Variants in ZDHHC15 observed in about 807,000 individuals in gnomAD.
The protein encoded by ZDHHC15 is zDHHC palmitoyltransferase 15.
A neutral mutation model predicts 31.7 loss-of-function variants in ZDHHC15; 19 were observed. The ratio of observed to expected loss-of-function variants is 0.60; its 90% CI spans 0.42 to 0.88. ZDHHC15 has a LOEUF of 0.88. ZDHHC15 is among the 40% of genes least tolerant of loss of function. ZDHHC15 has a pLI of 0.00. For missense variants in ZDHHC15, 209 were observed against 251.2 expected, an observed-to-expected ratio of 0.83 and a Z score of 1.14; for synonymous variants, 103 against 90.0, an observed-to-expected ratio of 1.14 and a Z score of -0.82.
chrX:75,446,658 A>G (rs1569333732), intron 4 of ZDHHC15, among the ~76,000 whole-genome samples: 4 of 111,713 alleles, frequency 3.6e-5, no homozygotes, highest in Admixed American at 9.5e-5. Flanking sequence ...ATTTATTCGC[A>G]TGGTTCTCGA....
At chrX:75,451,643 C>T (rs2084120349) in intron 3 of ZDHHC15, among the ~76,000 whole-genome samples, 2 of 111,887 alleles carry the variant, frequency 1.8e-5, no homozygotes, top group South Asian at 7.5e-4. Flanking sequence ...TAAGTCTCAT[C>T]TCTATTACTT....
chrX:75,393,249 T>C (rs2083265443), intron 10 of ZDHHC15, among the ~76,000 whole-genome samples: 1 of 111,453 alleles, frequency 9.0e-6, no homozygotes, highest in African/African-American at 3.3e-5. Flanking sequence ...CATAACTTCC[T>C]GTTTAATGGA....
chrX:75,461,033 A>G (rs1390556045), intron 3 of ZDHHC15, among the ~76,000 whole-genome samples: 1 of 111,770 alleles, frequency 8.9e-6, no homozygotes, highest in Non-Finnish European at 1.9e-5. Context: ...AAAGAGGCTA[A>G]GAATCATGAT....
At chrX:75,385,993 C>T (rs1021878674) in intron 10 of ZDHHC15, among the ~76,000 whole-genome samples, 5 of 111,880 alleles carry the variant, frequency 4.5e-5, no homozygotes, top group African/African-American at 1.3e-4. Context: ...CTTCTGGGTC[C>T]AATCTCATAA....
At chrX:75,451,472 C>T (rs1159976481) in intron 3 of ZDHHC15, among the ~76,000 whole-genome samples, 3 of 111,938 alleles carry the variant, frequency 2.7e-5, no homozygotes, top group Non-Finnish European at 3.8e-5. Context: ...TTTTTAGTCT[C>T]GTATGGAGCT....
chrX:75,374,229 C>CG (rs1335969794), intron 11 of ZDHHC15, among the ~76,000 whole-genome samples: 1 of 109,047 alleles, frequency 9.2e-6, no homozygotes, highest in African/African-American at 3.3e-5. Flanking sequence ...CGGGGCCTGT[C>CG]GGGGGCTGGA....
Position 75,424,659 on chromosome X carries a change from G to C in ZDHHC15, c.729C>G (p.Thr243=), listed in dbSNP as rs908373477. Residue 243 remains threonine, a synonymous_variant, in exon 8 of 12, where the codon ACC becomes ACG. Coordinates refer to ENST00000373367, the MANE Select transcript of ZDHHC15 (RefSeq NM_144969.3). ...YHCWLVSRNK[T]TLEAFCTPVF... ...CTTAATATTCAGTCTTACCTAAGGT[G>C]GTTTTGTTTCTGCTGACAAGCCAAC... The C allele has an allele frequency of 3.3e-6, 4 of 1,200,492 alleles. No homozygotes were observed. Among genetic ancestry groups the C allele is most frequent in the Non-Finnish European group, 4.5e-6 (4 of 891,736 alleles).
At chrX:75,388,908 T>A (rs2083210767) in intron 10 of ZDHHC15, among the ~76,000 whole-genome samples, 1 of 111,828 alleles carries the variant, frequency 8.9e-6, no homozygotes, top group Admixed American at 9.5e-5. Flanking sequence ...ATGTGAGAGA[T>A]CACAGTACCT....
At chrX:75,433,683 GTGTGTGTGTGTGTGTATA>G (rs1203668443) in intron 4 of ZDHHC15, among the ~76,000 whole-genome samples, 1,396 of 11,701 alleles carry the variant, frequency 0.12, 23 homozygotes, top group East Asian at 0.4. Context: ...GTGTGTGTGT[GTGTGTGTGTGTGTGTATA>G]TATATATATA....
chrX:75,438,689 A>T (rs1464394208), intron 4 of ZDHHC15, among the ~76,000 whole-genome samples: 1 of 111,462 alleles, frequency 9.0e-6, no homozygotes, highest in South Asian at 3.8e-4. Flanking sequence ...GTATCATTCT[A>T]TTCATCATGC....
At position 75,471,710 on chromosome X, in the gene ZDHHC15, T is replaced by C. The variant is rs193140416; in HGVS notation, c.258+7181A>G. Among the ~76,000 whole-genome samples the C allele has an allele frequency of 3.8e-3, 423 of 111,890 alleles. 3 individuals carry two copies. The highest frequency in any genetic ancestry group is 0.013 in the African/African-American group (403 of 30,845). On this transcript the variant is annotated intron_variant, in intron 3 of 11. Coordinates refer to ENST00000373367, the MANE Select transcript of ZDHHC15 (RefSeq NM_144969.3). The stretch of plus-strand genomic sequence containing the variant: ...TGGGTCCAGAACAGGAGAAGGCTCT[T>C]CAACAGGTCCAGGCTGCTGTGCAAG...
intron 2 of ZDHHC15, among the ~76,000 whole-genome samples, chrX:75,491,149 T>C (rs1395943419): frequency 1.8e-5 from 2 of 111,062 alleles, no homozygotes; most frequent in African/African-American, 6.6e-5. Context: ...GGATTATAAA[T>C]CATGTTGCTA....
At chrX:75,447,544 A>G (rs772918131) in intron 4 of ZDHHC15, among the ~76,000 whole-genome samples, 3 of 111,757 alleles carry the variant, frequency 2.7e-5, no homozygotes, top group Non-Finnish European at 5.6e-5. Context: ...TGTCAGTTAC[A>G]GTGCCAATAC....
At chrX:75,404,477 A>C (rs879990544) in intron 10 of ZDHHC15, among the ~76,000 whole-genome samples, 1 of 112,249 alleles carries the variant, frequency 8.9e-6, no homozygotes, top group Non-Finnish European at 1.9e-5. Flanking sequence ...CAAGCTGTGC[A>C]TCTGACAAAG....
intron 4 of ZDHHC15, among the ~76,000 whole-genome samples, chrX:75,448,261 T>C (rs2084061081): frequency 8.9e-6 from 1 of 111,924 alleles, no homozygotes. Flanking sequence ...GAACTGGAGA[T>C]TTGGGTCACC....
intron 4 of ZDHHC15, among the ~76,000 whole-genome samples, chrX:75,435,723 T>C (rs879086221): frequency 8.9e-6 from 1 of 112,466 alleles, no homozygotes; most frequent in Non-Finnish European, 1.9e-5. Context: ...GTTTTTGATA[T>C]GCTGTTGAAT....
intron 10 of ZDHHC15, among the ~76,000 whole-genome samples, chrX:75,387,845 C>G (rs2083196371): frequency 1.8e-5 from 2 of 112,035 alleles, no homozygotes; most frequent in African/African-American, 3.2e-5. Context: ...TCGTCTACCT[C>G]AAAGGCACAT....
At chrX:75,506,237 C>T (rs1173328830) in intron 1 of ZDHHC15, among the ~76,000 whole-genome samples, 1 of 111,456 alleles carries the variant, frequency 9.0e-6, no homozygotes, top group Non-Finnish European at 1.9e-5. Flanking sequence ...GGTAAATGTG[C>T]ACAACGTGCA....
At chrX:75,431,809 C>T (rs1602612820) in intron 4 of ZDHHC15, among the ~76,000 whole-genome samples, 2 of 111,433 alleles carry the variant, frequency 1.8e-5, no homozygotes, top group South Asian at 3.8e-4. Flanking sequence ...CTATCAAATG[C>T]TTGAGGGATC....
Sources: gnomAD v4.1 joint callset for allele counts (sites outside exome capture counted in the v4.1 genomes callset) on GRCh38, gnomAD v4.1.1 for gene constraint, MANE v1.5 for transcripts, NCBI Gene and HGNC (gene_info 2026-07-23, HGNC 2026-07-21) for gene names.